SRGAP3: variants seen among roughly 807,000 people sequenced by gnomAD.
SRGAP3 encodes SLIT-ROBO Rho GTPase activating protein 3.
SRGAP3 carries 39 observed loss-of-function variants against 121.1 expected under a neutral mutation model. The ratio of observed to expected loss-of-function variants is 0.32; its 90% CI spans 0.25 to 0.42. The LOEUF (loss-of-function observed/expected upper bound fraction) is 0.42, where lower values mean the gene tolerates loss of function less well. Among genes scored for constraint, SRGAP3 ranks in the 10% least tolerant of loss-of-function variants. SRGAP3 has a pLI of 1.00. For synonymous variants in SRGAP3, 601 were observed against 570.0 expected (o/e 1.05, Z -0.77); for missense variants, 1,213 against 1,470.6 (o/e 0.82, Z 2.86).
intron 3 of SRGAP3, among the ~76,000 whole-genome samples, chr3:9,286,346 T>C (rs1255958099): frequency 6.6e-6 from 1 of 151,922 alleles, no homozygotes; most frequent in Non-Finnish European, 1.5e-5. Flanking sequence ...ATTTTAGAAA[T>C]GTTAACATGG....
intron 8 of SRGAP3, among the ~76,000 whole-genome samples, chr3:9,054,319 C>T (rs1484702397): frequency 2.6e-5 from 4 of 152,200 alleles, no homozygotes; most frequent in African/African-American, 9.7e-5. Context: ...TACAGCCTAT[C>T]CTCTGAAGCC....
intron 3 of SRGAP3, among the ~76,000 whole-genome samples, chr3:9,320,658 C>A (rs1396691927): frequency 1.3e-5 from 2 of 151,918 alleles, no homozygotes; most frequent in African/African-American, 4.8e-5. Context: ...ACAAATTACA[C>A]AGTCTTAGGT....
chr3:9,314,608 T>C (rs538637569), intron 3 of SRGAP3, among the ~76,000 whole-genome samples: 46 of 150,730 alleles, frequency 3.1e-4, no homozygotes, highest in African/African-American at 1.1e-3. Flanking sequence ...TGTCTTACTA[T>C]AGCCCCCTCA....
intron 15 of SRGAP3, 96 bp downstream of exon 15, chr3:9,015,501 T>C (rs1466762172): frequency 2.0e-6 from 3 of 1,518,270 alleles, no homozygotes; most frequent in Admixed American, 3.4e-5. Context: ...CCTTTCATAA[T>C]GTCCCTCCTC....
At chr3:9,068,609 C>A (rs1473355637) in intron 4 of SRGAP3, among the ~76,000 whole-genome samples, 5 of 152,174 alleles carry the variant, frequency 3.3e-5, no homozygotes, top group Non-Finnish European at 7.3e-5. Flanking sequence ...GGAAGTTTCT[C>A]CAAAATGACT....
chr3:9,037,270 G>C (rs2125107417), intron 11 of SRGAP3: 1 of 152,344 alleles, frequency 6.6e-6, no homozygotes, highest in South Asian at 2.1e-4. Flanking sequence ...CTGAATTCCA[G>C]CTAGGCAGTG....
At chr3:9,283,162 A>G (rs998347653) in intron 3 of SRGAP3, among the ~76,000 whole-genome samples, 6 of 151,684 alleles carry the variant, frequency 4.0e-5, no homozygotes, top group African/African-American at 7.3e-5. Context: ...GCTGGTCTTG[A>G]ACCCCTGACC....
chr3:9,047,559 C>T (rs1945351441), intron 9 of SRGAP3, 84 bp from the exon 10 acceptor site: 14 of 1,386,636 alleles, frequency 1.0e-5, no homozygotes, highest in Admixed American at 3.6e-5. Flanking sequence ...CTCTGGGACA[C>T]GGAAGCCGAA....
intron 1 of SRGAP3, among the ~76,000 whole-genome samples, chr3:9,221,425 T>C (rs1952808080): frequency 6.6e-6 from 1 of 152,070 alleles, no homozygotes; most frequent in Non-Finnish European, 1.5e-5. Context: ...TAGTCCCAGC[T>C]ACTCAGGAGG....
At chr3:9,004,692 C>T (rs559318923) in intron 18 of SRGAP3, among the ~76,000 whole-genome samples, 1 of 152,270 alleles carries the variant, frequency 6.6e-6, no homozygotes, top group African/African-American at 2.4e-5. Context: ...TTTTGTTCAA[C>T]TAATCGTGCT....
intron 1 of SRGAP3, chr3:9,236,168 G>C (rs1465712534): frequency 5.7e-6 from 1 of 174,530 alleles, no homozygotes; most frequent in Non-Finnish European, 1.2e-5. Context: ...CTTTGCACAT[G>C]CTGTCTTCTC....
At chr3:9,014,101 G>T in intron 15 of SRGAP3, 1 of 527,324 alleles carries the variant, frequency 1.9e-6, no homozygotes, top group Non-Finnish European at 3.5e-6. Context: ...AACCCACAGG[G>T]AGATGCCCTC....
chr3:9,362,091 G>A (rs181184227), intron 1 of SRGAP3, among the ~76,000 whole-genome samples: 1 of 151,064 alleles, frequency 6.6e-6, no homozygotes, highest in East Asian at 1.9e-4. Context: ...CCCTGGAAGT[G>A]CCTGTTTTTG....
intron 9 of SRGAP3, among the ~76,000 whole-genome samples, chr3:9,052,710 C>T (rs139627264): frequency 6.6e-6 from 1 of 152,290 alleles, no homozygotes; most frequent in East Asian, 1.9e-4. Flanking sequence ...CAAGGTTGTT[C>T]CTTGGGACTT....
chr3:9,230,085 G>A (rs148825671), intron 1 of SRGAP3, among the ~76,000 whole-genome samples: 14 of 152,304 alleles, frequency 9.2e-5, no homozygotes, highest in Admixed American at 5.9e-4. Flanking sequence ...CCTGCAGCGC[G>A]GCTCTTACAG....
At chr3:9,063,026 A>G (rs1282965891) in intron 5 of SRGAP3, among the ~76,000 whole-genome samples, 1 of 150,926 alleles carries the variant, frequency 6.6e-6, no homozygotes, top group African/African-American at 2.4e-5. Context: ...AATACTTCCT[A>G]TAGTCTGCCT....
chr3:9,252,142 G>A (rs1349761202), upstream of SRGAP3, among the ~76,000 whole-genome samples: 1 of 152,118 alleles, frequency 6.6e-6, no homozygotes. Context: ...GGTTGATGAA[G>A]AGTCTGGGAC....
At chr3:9,058,022 G>C (rs1945913638) in intron 7 of SRGAP3, among the ~76,000 whole-genome samples, 1 of 152,190 alleles carries the variant, frequency 6.6e-6, no homozygotes, top group Non-Finnish European at 1.5e-5. Context: ...ATAGCTGGGA[G>C]GGGTTATAAG....
chr3:9,257,925 G>A (rs541234347), intron 3 of SRGAP3, among the ~76,000 whole-genome samples: 12 of 152,082 alleles, frequency 7.9e-5, no homozygotes, highest in South Asian at 2.1e-4. Flanking sequence ...GGCTGGTCTC[G>A]AACTCCTGAC....
Sources: allele counts gnomAD v4.1 joint callset (sites outside exome capture counted in the v4.1 genomes callset), GRCh38; gene constraint gnomAD v4.1.1; transcripts MANE v1.5; gene names NCBI Gene and HGNC (gene_info 2026-07-23, HGNC 2026-07-21).